The following JAK1 variants were observed in gnomAD, a reference collection of about 807,000 sequenced individuals.
JAK1 encodes the protein Janus kinase 1.
JAK1 carries 16 observed loss-of-function variants against 136.6 expected under a neutral mutation model. The ratio of observed to expected loss-of-function variants is 0.12; its 90% CI spans 0.08 to 0.18. The LOEUF (loss-of-function observed/expected upper bound fraction) is 0.18. JAK1 is among the 10% of genes least tolerant of loss of function. JAK1 has a pLI of 1.00. For synonymous variants in JAK1, 492 were observed against 519.5 expected, an observed-to-expected ratio of 0.95 and a Z score of 0.72; for missense variants, 859 against 1,450.1, an observed-to-expected ratio of 0.59 and a Z score of 6.62.
At chr1:64,861,357 G>A (rs1033271460) in intron 8 of JAK1, among the ~76,000 whole-genome samples, 4 of 152,148 alleles carry the variant, frequency 2.6e-5, no homozygotes, top group African/African-American at 7.2e-5. Flanking sequence ...AAGAGGCAAA[G>A]GCACCTGTGG....
chr1:64,960,024 C>T (rs1000971969), intron 1 of JAK1, among the ~76,000 whole-genome samples: 6 of 152,036 alleles, frequency 3.9e-5, no homozygotes, highest in Non-Finnish European at 8.8e-5. Flanking sequence ...CCCAGGAGTT[C>T]GAGACCAGCC....
chr1:64,980,621 C>T (rs773585296), intron 2 of JAK1, among the ~76,000 whole-genome samples: 1 of 151,220 alleles, frequency 6.6e-6, no homozygotes, highest in Non-Finnish European at 1.5e-5. Context: ...ATGTGCACAA[C>T]GTGCCGGTTT....
intron 1 of JAK1, among the ~76,000 whole-genome samples, chr1:64,923,391 T>C (rs186444112): frequency 3.8e-4 from 58 of 152,306 alleles, no homozygotes; most frequent in African/African-American, 1.2e-3. Context: ...CACAATGCCA[T>C]TTAATTAGAA....
rs79472800 is a variant in JAK1, at chr1:64,869,221, A to G, written c.647+90T>C. ...TTCATAGAGAGCAAAGGTCAGCCAA[A>G]CCCTGGCAGTAATTAAGCTGAAATG... On this transcript the variant is annotated intron_variant, in intron 6 of 24. Transcript: ENST00000342505. 6.9e-4 allele frequency: 866 copies of G among 1,253,608 alleles called. 8 individuals are homozygous for G. The East Asian group carries it at 0.019, about 28-fold the overall frequency. 77.7% of individuals were successfully genotyped at this position (1,253,608 alleles called of 1,614,324 possible).
At position 64,844,010 on chromosome 1, in the gene JAK1, C is replaced by A. The variant is rs1655069033; in HGVS notation, c.2403+54G>T. The A allele has an allele frequency of 6.2e-7, 1 of 1,603,202 alleles. No individual in the cohort carries two copies. The highest frequency in any genetic ancestry group is 1.7e-5 in the Admixed American group (1 of 59,774). On this transcript the variant is annotated intron_variant, in intron 17 of 24. Transcript: ENST00000342505. This position sits in a 1 kb window ranked among gnomAD's most constrained non-coding sequence, Gnocchi z 5.7. The stretch of plus-strand genomic sequence containing the variant: ...GGCTTCCGACAACTCCTGGGAAGCC[C>A]ACGAGCACCTGAAAGCCCTCACTTG...
chr1:64,847,162 C>A (rs1655289308), intron 13 of JAK1, among the ~76,000 whole-genome samples: 1 of 152,206 alleles, frequency 6.6e-6, no homozygotes, highest in Non-Finnish European at 1.5e-5. Flanking sequence ...TGGGTGAGTC[C>A]TTTTACTCCT....
chr1:64,943,653 G>A (rs533280429), intron 1 of JAK1, among the ~76,000 whole-genome samples: 20 of 152,054 alleles, frequency 1.3e-4, no homozygotes, highest in Admixed American at 3.9e-4. Context: ...GGCATCAAAA[G>A]GTCTCTCAAA....
chr1:65,055,255 T>C (rs1233015157), intron 1 of JAK1, among the ~76,000 whole-genome samples: 1 of 152,246 alleles, frequency 6.6e-6, no homozygotes, highest in Non-Finnish European at 1.5e-5. Flanking sequence ...CATAACAGTA[T>C]ACACCCTTTT....
rs547414962 is a variant in JAK1, at chr1:64,938,389, A to C, written c.-78+27944T>G. Among the ~76,000 whole-genome samples the C allele has an allele frequency of 5.3e-5, 8 of 152,310 alleles. No individual in the cohort carries two copies. The South Asian group carries it at 1.2e-3, about 24-fold the overall frequency. On this transcript the variant is annotated intron_variant, in intron 1 of 24. Transcript: ENST00000342505. ...TAGTAGCAGAATCTTTCTGGCCTATAAACTAAGCCTAGTTAGGAAACAAGA... is the reference window on the plus strand; with the variant it reads ...TAGTAGCAGAATCTTTCTGGCCTATCAACTAAGCCTAGTTAGGAAACAAGA...
At chr1:64,898,854 A>G (rs560543107) in intron 1 of JAK1, among the ~76,000 whole-genome samples, 47 of 152,278 alleles carry the variant, frequency 3.1e-4, no homozygotes, top group African/African-American at 1.0e-3. Flanking sequence ...TTTCAGCTGT[A>G]TATATAGCTA....
rs1655320525 is a variant in JAK1, at chr1:64,847,602, C to G, written c.1829G>C (p.Gly610Ala). 1 of 1,613,958 alleles carries G rather than the reference C, an allele frequency of 6.2e-7. No homozygotes were observed. The highest frequency in any genetic ancestry group is 1.1e-5 in the South Asian group (1 of 91,078). The change falls in exon 13 of 25, where the codon GGA (glycine) becomes GCA (alanine). Residue 610 changes from glycine (G) to alanine (A), a missense_variant. Around this residue, in one of 4 missense-constraint regions of JAK1, gnomAD observed 409 missense variants for 753.8 expected, o/e 0.54. Coordinates refer to ENST00000342505, the MANE Select transcript of JAK1 (RefSeq NM_002227.4). ...TTTTATCTTCTTCTCTTCAGAAGTT[C>G]CTTCGTCATCCTTGTAATCCATCAG... ...GTLMDYKDDE[G>A]TSEEKKIKVI...
chr1:64,971,046 T>C (rs1295932076), upstream of JAK1, among the ~76,000 whole-genome samples: 1 of 152,226 alleles, frequency 6.6e-6, no homozygotes, highest in African/African-American at 2.4e-5. Context: ...TGGGAAAATA[T>C]GTTAGATGCA....
chr1:64,941,815 G>C (rs1645894445), intron 1 of JAK1, among the ~76,000 whole-genome samples: 1 of 152,196 alleles, frequency 6.6e-6, no homozygotes, highest in Non-Finnish European at 1.5e-5. Flanking sequence ...GGAAAAGCCT[G>C]AGGTCAGGCC....
chr1:64,908,957 A>C (rs1039281577), intron 1 of JAK1, among the ~76,000 whole-genome samples: 5 of 152,214 alleles, frequency 3.3e-5, no homozygotes, highest in Non-Finnish European at 7.3e-5. Flanking sequence ...GCAATATAAC[A>C]GACACAGATA....
At chr1:64,845,447 C>T (rs1480819156) in intron 15 of JAK1, 66 bp downstream of exon 15, 2 of 1,594,418 alleles carry the variant, frequency 1.3e-6, no homozygotes, top group Non-Finnish European at 1.7e-6. Context: ...GCACCTCCTT[C>T]CTGCCACCCC....
chr1:65,014,597 C>A (rs1646877015), intron 2 of JAK1, among the ~76,000 whole-genome samples: 1 of 152,010 alleles, frequency 6.6e-6, no homozygotes, highest in Non-Finnish European at 1.5e-5. Flanking sequence ...GGACCACTAA[C>A]TTCTCAGTAG....
At chr1:65,040,870 C>A (rs570692508) in intron 2 of JAK1, among the ~76,000 whole-genome samples, 1 of 152,056 alleles carries the variant, frequency 6.6e-6, no homozygotes, top group Non-Finnish European at 1.5e-5. Context: ...TCATGAAACA[C>A]AAGAAAACAT....
intron 1 of JAK1, among the ~76,000 whole-genome samples, chr1:64,915,662 C>T (rs982282289): frequency 1.3e-5 from 2 of 152,190 alleles, no homozygotes; most frequent in Admixed American, 1.3e-4. Flanking sequence ...AAGATGGCTA[C>T]TGTAACTGAG....
upstream of JAK1, among the ~76,000 whole-genome samples, chr1:64,966,667 C>G (rs368243413): frequency 1.8e-4 from 26 of 147,934 alleles, no homozygotes; most frequent in South Asian, 2.8e-3. Flanking sequence ...GGGTCGCGGT[C>G]CCGGCGGAGA....
Sources: gnomAD v4.1 joint callset for allele counts (sites outside exome capture counted in the v4.1 genomes callset) on GRCh38, gnomAD v4.1.1 for gene constraint, gnomAD v4.1.1 regional missense constraint, Gnocchi (gnomAD v3.1) non-coding constraint, MANE v1.5 for transcripts, NCBI Gene and HGNC (gene_info 2026-07-23, HGNC 2026-07-21) for gene names.